Variants in IL4 observed in about 807,000 individuals in gnomAD.
The protein encoded by IL4 is interleukin 4, also known as interleukin-4.
In IL4, 10 loss-of-function variants were observed where a neutral mutation model predicts 17.4. The ratio of observed to expected loss-of-function variants is 0.57; its 90% CI spans 0.35 to 0.97. IL4 has a LOEUF of 0.97. IL4 is among the 50% of genes least tolerant of loss of function. The probability of loss-of-function intolerance (pLI) is 0.01; values close to 1 mark genes in which losing one functional copy is unlikely to be tolerated. For synonymous variants in IL4, 87 were observed against 79.0 expected (o/e 1.10, Z -0.54); for missense variants, 174 against 187.7 (o/e 0.93, Z 0.43).
In IL4 at chr5:132,680,401, G is replaced by A. The variant is rs569824564; in HGVS notation, c.360+511G>A. Among the ~76,000 whole-genome samples the A allele has an allele frequency of 2.0e-5, 3 of 152,354 alleles. No homozygotes were observed. The highest frequency in any genetic ancestry group is 7.2e-5 in the African/African-American group (3 of 41,588). Reference sequence around the variant, plus strand: ...TAGGAAGGCCAGTGTGGCTGGATCAGAGTGAGTGAGGGGTAGTTTCCAGGA... The same window carrying A: ...TAGGAAGGCCAGTGTGGCTGGATCAAAGTGAGTGAGGGGTAGTTTCCAGGA... On this transcript the variant is annotated intron_variant, in intron 3 of 3. Coordinates refer to ENST00000231449, the MANE Select transcript of IL4 (RefSeq NM_000589.4). The surrounding 1 kb of genome is among the most constrained non-coding windows in gnomAD (Gnocchi z 4.3).
chr5:132,677,302 G>A (rs908151436), intron 2 of IL4, among the ~76,000 whole-genome samples: 1 of 152,134 alleles, frequency 6.6e-6, no homozygotes. Context: ...TTCCCGGGAG[G>A]GACAGGCCTC....
chr5:132,676,113 A>C (rs775171307), intron 2 of IL4, among the ~76,000 whole-genome samples: 1 of 152,086 alleles, frequency 6.6e-6, no homozygotes, highest in Non-Finnish European at 1.5e-5. Context: ...GCCTGGAGGA[A>C]GGGTGAGGGC....
At chr5:132,676,916 AC>A (rs1752392187) in intron 2 of IL4, among the ~76,000 whole-genome samples, 1 of 152,206 alleles carries the variant, frequency 6.6e-6, no homozygotes, top group African/African-American at 2.4e-5. Flanking sequence ...CCTGGGCTTC[AC>A]AGGTAACACC....
chr5:132,675,929 ATGTGTGTGTG>A lies in IL4; in HGVS notation c.183+1441_183+1450del, dbSNP rs2234664. ...TGTGTATGTATATATGTGTATGTATATGTGTGTGTGTGTGTGTGTGTGTGTGTATAAAATC... is the reference window on the plus strand; with the variant it reads ...TGTGTATGTATATATGTGTATGTATATGTGTGTGTGTGTGTGTATAAAATC... On this transcript the variant is annotated intron_variant, in intron 2 of 3. Coordinates refer to ENST00000231449, the MANE Select transcript of IL4 (RefSeq NM_000589.4). Among the ~76,000 whole-genome samples, 3 of 141,056 alleles carry A rather than the reference ATGTGTGTGTG, an allele frequency of 2.1e-5. No individual in the cohort carries two copies. The South Asian group carries it at 6.8e-4, about 32-fold the overall frequency. 92.5% of individuals were successfully genotyped at this position (141,056 alleles called of 152,430 possible). A position where few individuals can be genotyped will look rare whatever the true frequency, so the allele number is the denominator to read the frequency against.
At chr5:132,678,212 A>T (rs1752418892) in intron 2 of IL4, among the ~76,000 whole-genome samples, 1 of 152,268 alleles carries the variant, frequency 6.6e-6, no homozygotes, top group African/African-American at 2.4e-5. Context: ...CTGCCACGAT[A>T]GGGGCCTGAC....
rs1270294877 is a variant in IL4, at chr5:132,679,847, T to G, written c.317T>G (p.Phe106Cys). 1 of 1,613,910 alleles carries G rather than the reference T, an allele frequency of 6.2e-7. No homozygotes were observed. The highest frequency in any genetic ancestry group is 1.3e-5 in the African/African-American group (1 of 75,052). ...CACAGGCACAAGCAGCTGATCCGATTCCTGAAACGGCTCGACAGGAACCTC... is the reference window on the plus strand; with the variant it reads ...CACAGGCACAAGCAGCTGATCCGATGCCTGAAACGGCTCGACAGGAACCTC... ...QFHRHKQLIR[F>C]LKRLDRNLWG... The change falls in exon 3 of 4, where the codon TTC becomes TGC. Residue 106 changes from phenylalanine (F) to cysteine (C), a missense_variant. By Grantham distance (205) the Phe-to-Cys change is radical. Coordinates refer to ENST00000231449, the MANE Select transcript of IL4 (RefSeq NM_000589.4).
intron 2 of IL4, among the ~76,000 whole-genome samples, chr5:132,676,462 G>A (rs990445984): frequency 6.6e-6 from 1 of 152,046 alleles, no homozygotes; most frequent in Non-Finnish European, 1.5e-5. Flanking sequence ...GAAGACCCCC[G>A]GGTGCAGGCC....
intron 2 of IL4, 71 bp from the exon 3 acceptor site, chr5:132,679,643 A>C: frequency 7.4e-7 from 1 of 1,349,032 alleles, no homozygotes; most frequent in South Asian, 1.4e-5. Context: ...GAAGAAATCA[A>C]GAGGAAAAAT....
intron 3 of IL4, 96 bp downstream of exon 3, chr5:132,679,986 G>A (rs938866396): frequency 2.9e-6 from 3 of 1,023,450 alleles, no homozygotes; most frequent in Middle Eastern, 3.1e-4. Flanking sequence ...AGCACCCTTG[G>A]TCAACCCATT....
intron 2 of IL4, among the ~76,000 whole-genome samples, chr5:132,679,359 C>T (rs2243277): frequency 7.4e-4 from 112 of 152,304 alleles, no homozygotes; most frequent in African/African-American, 2.6e-3. Context: ...TATAGAGACA[C>T]GGACGCAGAA....
intron 2 of IL4, among the ~76,000 whole-genome samples, chr5:132,675,917 A>ATGTG (rs1321831614): frequency 8.7e-5 from 7 of 80,148 alleles, no homozygotes; most frequent in Admixed American, 1.5e-4. Context: ...GTATGTATAT[A>ATGTG]TGTGTATGTA....
intron 2 of IL4, among the ~76,000 whole-genome samples, chr5:132,676,764 T>G (rs892188867): frequency 6.6e-6 from 1 of 152,250 alleles, no homozygotes; most frequent in Non-Finnish European, 1.5e-5. Flanking sequence ...GAAAAGGTAC[T>G]TCTTTGTGTT....
At chr5:132,679,936 T>A (rs1752455217) in intron 3 of IL4, 46 bp downstream of exon 3, 1 of 1,527,764 alleles carries the variant, frequency 6.5e-7, no homozygotes, top group Non-Finnish European at 8.9e-7. Context: ...TGGCTCCTGG[T>A]GGACAGCAGC....
Position 132,674,073 on chromosome 5 carries a change from T to A in IL4, c.23T>A (p.Leu8His). 1 of 1,614,186 alleles carries A rather than the reference T, an allele frequency of 6.2e-7. No homozygotes were observed. The highest frequency in any genetic ancestry group is 8.5e-7 in the Non-Finnish European group (1 of 1,180,004). Reference protein sequence around the residue: MGLTSQLLPPLFFLLACA... With the variant: MGLTSQLHPPLFFLLACA... ...TTAATGGGTCTCACCTCCCAACTGC[T>A]TCCCCCTCTGTTCTTCCTGCTAGCA... The change falls in exon 1 of 4, where the codon CTT (leucine) becomes CAT (histidine). Residue 8 changes from leucine (L) to histidine (H), a missense_variant. Physicochemically the swap from Leu to His is moderately conservative, Grantham distance 99 (BLOSUM62 -3). Coordinates refer to ENST00000231449, the MANE Select transcript of IL4 (RefSeq NM_000589.4).
chr5:132,679,748 C>T lies in IL4; in HGVS notation c.218C>T (p.Ala73Val), dbSNP rs202011365. ...TTEKETFCRA[A>V]TVLRQFYSHH... is the part of the protein sequence containing the mutation. ...GAGAAGGAAACCTTCTGCAGGGCTG[C>T]GACTGTGCTCCGGCAGTTCTACAGC... Residue 73 changes from alanine to valine, a missense_variant, in exon 3 of 4, where the codon GCG becomes GTG. Ala to Val is a moderately conservative substitution (Grantham distance 64). Transcript: ENST00000231449. The T allele has an allele frequency of 6.8e-6, 11 of 1,613,844 alleles. No homozygotes were observed. The highest frequency in any genetic ancestry group is 3.3e-4 in the Middle Eastern group (2 of 6,082).
intron 2 of IL4, among the ~76,000 whole-genome samples, chr5:132,678,271 A>C (rs2243268): frequency 0.23 from 35,388 of 152,122 alleles, 5,444 homozygotes; most frequent in East Asian, 0.77. Context: ...TCTCAATCCC[A>C]TGTTCTCTAA....
At chr5:132,675,883 A>G (rs56408050) in intron 2 of IL4, among the ~76,000 whole-genome samples, 2,291 of 129,016 alleles carry the variant, frequency 0.018, 133 homozygotes, top group Admixed American at 0.11. Context: ...GTGTGTATAT[A>G]TGTGTGTGTG....
At position 132,679,869 on chromosome 5, in the gene IL4, C is replaced by T; in HGVS notation, c.339C>T (p.Asn113=). The T allele has an allele frequency of 6.2e-7, 1 of 1,612,886 alleles. No individual in the cohort carries two copies. The change falls in exon 3 of 4, where the codon AAC becomes AAT. Residue 113 remains asparagine (N), a synonymous_variant. Transcript: ENST00000231449. The stretch of plus-strand genomic sequence containing the variant: ...GATTCCTGAAACGGCTCGACAGGAA[C>T]CTCTGGGGCCTGGCGGGCTTGGTAA... The part of the protein sequence containing the change: ...LIRFLKRLDR[N]LWGLAGLNSC...
Position 132,679,875 on chromosome 5 carries a change from G to T in IL4, c.345G>T (p.Trp115Cys). 1 of 1,612,400 alleles carries T rather than the reference G, an allele frequency of 6.2e-7. No homozygotes were observed. The highest frequency in any genetic ancestry group is 1.1e-5 in the South Asian group (1 of 90,916). Residue 115 changes from tryptophan (W) to cysteine (C), a missense_variant, in exon 3 of 4, where the codon TGG (tryptophan) becomes TGT (cysteine). Trp to Cys is a radical substitution (Grantham distance 215). Transcript: ENST00000231449. ...RFLKRLDRNLWGLAGLNSCPV... is the reference protein window; with the variant it reads ...RFLKRLDRNLCGLAGLNSCPV... ...TGAAACGGCTCGACAGGAACCTCTGGGGCCTGGCGGGCTTGGTAAGCTGCA... is the reference window on the plus strand; with the variant it reads ...TGAAACGGCTCGACAGGAACCTCTGTGGCCTGGCGGGCTTGGTAAGCTGCA...
Sources: allele counts gnomAD v4.1 joint callset (sites outside exome capture counted in the v4.1 genomes callset), GRCh38; gene constraint gnomAD v4.1.1; non-coding constraint Gnocchi (gnomAD v3.1); transcripts MANE v1.5; gene names NCBI Gene and HGNC (gene_info 2026-07-23, HGNC 2026-07-21).